SGPP2: variants seen among roughly 807,000 people sequenced by gnomAD.
SGPP2 encodes the protein sphingosine 1-phosphate phosphohydrolase 2.
In SGPP2, 30 loss-of-function variants were observed where a neutral mutation model predicts 33.9. The ratio of observed to expected loss-of-function variants is 0.89; its 90% CI spans 0.66 to 1.20. The LOEUF is 1.20. Ranked by LOEUF, SGPP2 falls within the 50% of genes most tolerant of loss-of-function variation. The pLI is 0.00. For missense variants in SGPP2, 458 were observed against 532.1 expected (o/e 0.86, Z 1.37); for synonymous variants, 233 against 225.0 (o/e 1.04, Z -0.32).
At chr2:222,499,367 T>C (rs1331628811) in intron 2 of SGPP2, among the ~76,000 whole-genome samples, 2 of 152,214 alleles carry the variant, frequency 1.3e-5, no homozygotes, top group African/African-American at 4.8e-5. Context: ...GGCTCCCTGC[T>C]TTCTCTCCTA....
intron 1 of SGPP2, among the ~76,000 whole-genome samples, chr2:222,427,445 T>C (rs1697088073): frequency 6.6e-6 from 1 of 152,076 alleles, no homozygotes; most frequent in Non-Finnish European, 1.5e-5. Flanking sequence ...TTGTTGTTGT[T>C]ATTGTTGTTT....
rs77009598 is a variant in SGPP2 at position 222,443,596 on chromosome 2, G to A, written c.219+18775G>A. ...GCTCTTCCCTCTGCCATTTCTTCTC[G>A]CTGGTATTTTCTTTGCAGGTCTGTG... On this transcript the variant is annotated intron_variant, in intron 1 of 4. Coordinates refer to ENST00000321276, the MANE Select transcript of SGPP2 (RefSeq NM_152386.4). Among the ~76,000 whole-genome samples the A allele has an allele frequency of 5.1e-3, 779 of 152,226 alleles. 9 individuals carry two copies. In the East Asian group the frequency reaches 0.054, roughly 11 times the overall value.
At chr2:222,463,019 C>A (rs116653605) in intron 1 of SGPP2, among the ~76,000 whole-genome samples, 1 of 152,194 alleles carries the variant, frequency 6.6e-6, no homozygotes, top group Non-Finnish European at 1.5e-5. Flanking sequence ...TAAACTTCCT[C>A]AGCGACAGCC....
chr2:222,471,501 T>TC (rs1697841596), intron 1 of SGPP2, among the ~76,000 whole-genome samples: 2 of 152,014 alleles, frequency 1.3e-5, no homozygotes, highest in African/African-American at 4.8e-5. Context: ...AAAAATTTAT[T>TC]CCCCCAAATT....
intron 2 of SGPP2, among the ~76,000 whole-genome samples, chr2:222,509,998 G>A (rs757750357): frequency 2.0e-5 from 3 of 152,158 alleles, no homozygotes; most frequent in Non-Finnish European, 2.9e-5. Context: ...TGTGTCCTTC[G>A]TGTTTGACTT....
At chr2:222,538,047 AT>A (rs898215891) in intron 4 of SGPP2, among the ~76,000 whole-genome samples, 1 of 152,188 alleles carries the variant, frequency 6.6e-6, no homozygotes, top group Non-Finnish European at 1.5e-5. Context: ...CCTATGAATT[AT>A]TCTAAATGGA....
chr2:222,492,322 A>C (rs1216056042), intron 2 of SGPP2, among the ~76,000 whole-genome samples: 1 of 152,238 alleles, frequency 6.6e-6, no homozygotes, highest in East Asian at 1.9e-4. Context: ...AGGCAGTCCC[A>C]TACATCCTCT....
chr2:222,425,751 G>T (rs1697059644), intron 1 of SGPP2, among the ~76,000 whole-genome samples: 2 of 152,154 alleles, frequency 1.3e-5, no homozygotes, highest in Non-Finnish European at 2.9e-5. Context: ...GCCACATTTT[G>T]TTCTTCCTAG....
At chr2:222,473,209 A>C (rs1697874856) in intron 1 of SGPP2, among the ~76,000 whole-genome samples, 1 of 152,180 alleles carries the variant, frequency 6.6e-6, no homozygotes, top group Non-Finnish European at 1.5e-5. Context: ...TTATTCTCTT[A>C]TAGGTCAGAA....
chr2:222,474,421 G>T, intron 1 of SGPP2, 147 bp from the exon 2 acceptor site: 1 of 628,076 alleles, frequency 1.6e-6, no homozygotes, highest in Non-Finnish European at 2.6e-6. Context: ...AGGTTGAAAA[G>T]TGTTCAGCCA....
intron 4 of SGPP2, among the ~76,000 whole-genome samples, chr2:222,553,907 T>C (rs1689341695): frequency 6.6e-6 from 1 of 152,102 alleles, no homozygotes; most frequent in African/African-American, 2.4e-5. Context: ...CACCTGGCTC[T>C]CCTCCTCCAC....
intron 2 of SGPP2, among the ~76,000 whole-genome samples, chr2:222,494,986 C>T (rs1002225130): frequency 5.9e-5 from 9 of 152,086 alleles, no homozygotes; most frequent in African/African-American, 2.2e-4. Flanking sequence ...GAGCCAAGAT[C>T]GCGCCACTGC....
chr2:222,501,147 G>A (rs1048077973), intron 2 of SGPP2, among the ~76,000 whole-genome samples: 3 of 152,148 alleles, frequency 2.0e-5, no homozygotes, highest in East Asian at 1.9e-4. Flanking sequence ...GCACAAGTGT[G>A]TTAGGGCTTG....
chr2:222,551,829 A>T lies in SGPP2; in HGVS notation c.649-6518A>T, dbSNP rs1282858962. The stretch of plus-strand genomic sequence containing the variant: ...ACAAAGGAAGACAAAGGAAAGGAAG[A>T]CAGATTTTTATTTATATATTGAAAC... On this transcript the variant is annotated intron_variant, in intron 4 of 4. Coordinates refer to ENST00000321276, the MANE Select transcript of SGPP2 (RefSeq NM_152386.4). Among the ~76,000 whole-genome samples the T allele has an allele frequency of 2.0e-5, 3 of 152,366 alleles. No individual in the cohort carries two copies. The East Asian group carries it at 5.8e-4, about 29-fold the overall frequency.
At chr2:222,449,045 T>C (rs1022021679) in intron 1 of SGPP2, among the ~76,000 whole-genome samples, 1 of 152,206 alleles carries the variant, frequency 6.6e-6, no homozygotes, top group Non-Finnish European at 1.5e-5. Flanking sequence ...ACATTAGGAC[T>C]GGATTACAGA....
intron 1 of SGPP2, among the ~76,000 whole-genome samples, chr2:222,470,552 T>C (rs929904958): frequency 1.3e-5 from 2 of 152,200 alleles, no homozygotes; most frequent in Non-Finnish European, 2.9e-5. Flanking sequence ...TCTAAAGATA[T>C]TAGTTAGTGA....
chr2:222,428,556 G>A (rs1697106016), intron 1 of SGPP2, among the ~76,000 whole-genome samples: 1 of 152,102 alleles, frequency 6.6e-6, no homozygotes, highest in African/African-American at 2.4e-5. Context: ...TCAAAGATAA[G>A]TTGTTTCTAG....
In SGPP2 at chr2:222,477,325, G is replaced by T. The variant is rs1000588439; in HGVS notation, c.378+2599G>T. Among the ~76,000 whole-genome samples the T allele has an allele frequency of 2.7e-5, 4 of 146,844 alleles. No homozygotes were observed. Among genetic ancestry groups the T allele is most frequent in the Non-Finnish European group, 4.5e-5 (3 of 67,250 alleles). On this transcript the variant is annotated intron_variant, in intron 2 of 4. Transcript: ENST00000321276. The surrounding 1 kb of genome is among the most constrained non-coding windows in gnomAD (Gnocchi z 6.0). ...TGTATATAGGTGTGAGTATATATGTGTGTCTATGTGTGTGTGTATAGGTGT... is the reference window on the plus strand; with the variant it reads ...TGTATATAGGTGTGAGTATATATGTTTGTCTATGTGTGTGTGTATAGGTGT...
chr2:222,457,366 C>T (rs1311589195), intron 1 of SGPP2, among the ~76,000 whole-genome samples: 1 of 152,036 alleles, frequency 6.6e-6, no homozygotes, highest in Non-Finnish European at 1.5e-5. Flanking sequence ...AAGGCCTATG[C>T]ATTAATATTT....
Sources: gnomAD v4.1 joint callset for allele counts (sites outside exome capture counted in the v4.1 genomes callset) on GRCh38, gnomAD v4.1.1 for gene constraint, Gnocchi (gnomAD v3.1) non-coding constraint, MANE v1.5 for transcripts, NCBI Gene and HGNC (gene_info 2026-07-23, HGNC 2026-07-21) for gene names.